The following PARD3 variants were observed in gnomAD, a reference collection of about 807,000 sequenced individuals.
The protein encoded by PARD3 is par-3 family cell polarity regulator.
In PARD3, 75 loss-of-function variants were observed where a neutral mutation model predicts 155.4. That is an observed-to-expected ratio of 0.48 (90% CI 0.40 to 0.58). PARD3 has a LOEUF of 0.58. Among genes scored for constraint, PARD3 ranks in the 20% least tolerant of loss-of-function variants. PARD3 has a pLI of 0.00. For missense variants in PARD3, 1,642 were observed against 1,721.7 expected (o/e 0.95, Z 0.82); for synonymous variants, 576 against 610.5 (o/e 0.94, Z 0.83).
chr10:34,138,922 A>T (rs1402487679), intron 22 of PARD3, among the ~76,000 whole-genome samples: 1 of 151,608 alleles, frequency 6.6e-6, no homozygotes, highest in Non-Finnish European at 1.5e-5. Context: ...TAATTTCCAA[A>T]TTGTATCAAC....
At chr10:34,142,323 G>A (rs1948230747) in intron 22 of PARD3, among the ~76,000 whole-genome samples, 2 of 151,956 alleles carry the variant, frequency 1.3e-5, no homozygotes, top group African/African-American at 4.8e-5. Context: ...TGGGAGCATC[G>A]CTTTAGCTAG....
chr10:34,136,314 A>G (rs1414749591), intron 22 of PARD3, among the ~76,000 whole-genome samples: 1 of 152,146 alleles, frequency 6.6e-6, no homozygotes, highest in Non-Finnish European at 1.5e-5. Context: ...GCAGGCTTGA[A>G]GTCTCACCTA....
chr10:34,605,440 A>G (rs1483209128), intron 2 of PARD3, among the ~76,000 whole-genome samples: 55 of 145,660 alleles, frequency 3.8e-4, no homozygotes, highest in Non-Finnish European at 7.0e-4. Context: ...TGATCCGCCC[A>G]CCTCGGCCTC....
Position 34,618,044 on chromosome 10 carries a change from G to A in PARD3, c.222+78274C>T, listed in dbSNP as rs1268928126. ...GGAAAAATCACTTTCTTTTAATAGA[G>A]GACCGTCAAAACTATGACCTTTCTA... On this transcript the variant is annotated intron_variant, in intron 2 of 24. Coordinates refer to ENST00000374788, the MANE Select transcript of PARD3 (RefSeq NM_001184785.2). 2.0e-5 allele frequency among the ~76,000 whole-genome samples: 3 copies of A among 152,042 alleles called. No homozygotes were observed. In the East Asian group the frequency reaches 5.8e-4, roughly 29 times the overall value.
intron 2 of PARD3, among the ~76,000 whole-genome samples, chr10:34,621,627 C>T (rs1452972269): frequency 6.6e-6 from 1 of 152,124 alleles, no homozygotes; most frequent in Non-Finnish European, 1.5e-5. Context: ...AAGAGCACTG[C>T]TACCTTGACA....
chr10:34,442,179 TA>T, intron 5 of PARD3, among the ~76,000 whole-genome samples: 1 of 152,320 alleles, frequency 6.6e-6, no homozygotes, highest in South Asian at 2.1e-4. Context: ...AACCAAATAA[TA>T]TGAACAGTCA....
intron 5 of PARD3, among the ~76,000 whole-genome samples, chr10:34,424,281 T>G (rs1008310266): frequency 6.6e-5 from 10 of 152,158 alleles, no homozygotes; most frequent in Admixed American, 6.5e-4. Flanking sequence ...AACAGAGATT[T>G]TAGTAGCAGA....
chr10:34,552,955 T>A (rs967863878), intron 2 of PARD3, among the ~76,000 whole-genome samples: 9 of 152,230 alleles, frequency 5.9e-5, no homozygotes, highest in African/African-American at 2.2e-4. Flanking sequence ...ACTACGTCAA[T>A]GCCAACTTGA....
intron 1 of PARD3, among the ~76,000 whole-genome samples, chr10:34,804,195 A>T (rs904799104): frequency 2.6e-5 from 4 of 152,084 alleles, no homozygotes; most frequent in African/African-American, 9.7e-5. Flanking sequence ...CATCACACTC[A>T]GCTAAATTTT....
chr10:34,150,840 A>G (rs183704120), intron 22 of PARD3, among the ~76,000 whole-genome samples: 2 of 152,348 alleles, frequency 1.3e-5, no homozygotes, highest in African/African-American at 4.8e-5. Context: ...ACAGCTCTAA[A>G]GTATTATCAT....
intron 2 of PARD3, among the ~76,000 whole-genome samples, chr10:34,603,279 TGTTAA>T (rs1337729610): frequency 1.1e-4 from 17 of 152,360 alleles, no homozygotes; most frequent in Admixed American, 3.3e-4. Flanking sequence ...GCAGCTCTGG[TGTTAA>T]GTTGTGTCCT....
At chr10:34,509,311 G>A (rs2081267697) in intron 3 of PARD3, among the ~76,000 whole-genome samples, 2 of 151,976 alleles carry the variant, frequency 1.3e-5, no homozygotes, top group Non-Finnish European at 2.9e-5. Context: ...TGTTCAATAT[G>A]CATCATTCCC....
intron 4 of PARD3, among the ~76,000 whole-genome samples, chr10:34,469,530 A>G (rs2078219807): frequency 1.3e-5 from 2 of 152,242 alleles, no homozygotes; most frequent in South Asian, 2.1e-4. Context: ...AGACTAGACA[A>G]CACACTTCCA....
chr10:34,671,654 AGG>A (rs1359870694), intron 2 of PARD3, among the ~76,000 whole-genome samples: 1 of 152,214 alleles, frequency 6.6e-6, no homozygotes, highest in East Asian at 1.9e-4. Context: ...AGAAACTGAA[AGG>A]GGTAAAATGC....
chr10:34,723,722 G>T (rs1013582300), intron 1 of PARD3, among the ~76,000 whole-genome samples: 8 of 152,136 alleles, frequency 5.3e-5, no homozygotes, highest in African/African-American at 1.9e-4. Flanking sequence ...CATAAATCTG[G>T]CATCATTCTA....
chr10:34,657,369 C>T (rs574878870), intron 2 of PARD3, among the ~76,000 whole-genome samples: 2 of 152,268 alleles, frequency 1.3e-5, no homozygotes, highest in South Asian at 4.1e-4. Flanking sequence ...TGAAATTCAT[C>T]TGGTGATGAA....
intron 22 of PARD3, among the ~76,000 whole-genome samples, chr10:34,134,453 A>G (rs988665138): frequency 2.6e-5 from 4 of 152,196 alleles, no homozygotes; most frequent in Non-Finnish European, 4.4e-5. Flanking sequence ...CCATTGATAA[A>G]AACTGACCTC....
chr10:34,256,553 G>A (rs1954664698), intron 22 of PARD3, among the ~76,000 whole-genome samples: 1 of 152,226 alleles, frequency 6.6e-6, no homozygotes, highest in African/African-American at 2.4e-5. Context: ...CAGTTAAGCT[G>A]CAAGAGACAT....
At chr10:34,150,083 T>C (rs1948706243) in intron 22 of PARD3, among the ~76,000 whole-genome samples, 1 of 152,090 alleles carries the variant, frequency 6.6e-6, no homozygotes, top group Non-Finnish European at 1.5e-5. Flanking sequence ...AAGCACAGAG[T>C]TTCTTGTCAT....
Sources: gnomAD v4.1 joint callset for allele counts (sites outside exome capture counted in the v4.1 genomes callset) on GRCh38, gnomAD v4.1.1 for gene constraint, MANE v1.5 for transcripts, NCBI Gene and HGNC (gene_info 2026-07-23, HGNC 2026-07-21) for gene names.